PRKDC: variants seen among roughly 807,000 people sequenced by gnomAD.
PRKDC encodes DNA-dependent protein kinase catalytic subunit.
PRKDC carries 82 observed loss-of-function variants against 486.9 expected under a neutral mutation model. The observed-to-expected ratio is 0.17, with a 90% CI of 0.14 to 0.20. PRKDC has a LOEUF of 0.20. Among genes scored for constraint, PRKDC ranks in the 10% least tolerant of loss-of-function variants. The pLI, the probability that PRKDC is intolerant of heterozygous loss-of-function variation, is 1.00. For synonymous variants in PRKDC, 1,895 were observed against 1,837.0 expected (o/e 1.03, Z -0.81); for missense variants, 4,504 against 5,038.2 (o/e 0.89, Z 3.21).
At position 47,950,827 on chromosome 8, in the gene PRKDC, A is replaced by C. The variant is rs115462511; in HGVS notation, c.721+2793T>G. On this transcript the variant is annotated intron_variant, in intron 7 of 85. Coordinates refer to ENST00000314191, the MANE Select transcript of PRKDC (RefSeq NM_006904.7). The stretch of plus-strand genomic sequence containing the variant: ...GCGAGACTCCATCTCTGCAAAATAT[A>C]AAAGGAGCCAGGCATGGTGGTGCCT... Among the ~76,000 whole-genome samples the C allele has an allele frequency of 2.2e-3, 341 of 151,748 alleles. 1 individual carries two copies. The highest frequency in any genetic ancestry group is 8.1e-3 in the African/African-American group (334 of 41,344).
intron 76 of PRKDC, among the ~76,000 whole-genome samples, chr8:47,787,215 T>C (rs2086805910): frequency 6.6e-6 from 1 of 152,216 alleles, no homozygotes; most frequent in Admixed American, 6.5e-5. Flanking sequence ...CATCTCTAAT[T>C]AGAAATGTTT....
In PRKDC at chr8:47,794,445, T is replaced by C; in HGVS notation, c.10515A>G (p.Leu3505=). 6.2e-7 allele frequency: 1 copy of C among 1,613,798 alleles called. No homozygotes were observed. The highest frequency in any genetic ancestry group is 8.5e-7 in the Non-Finnish European group (1 of 1,179,690). ...CAGCAACGGCTTGGTCTTTGTCCAG[T>C]AAGGCCACCATGTGGCTGATCCAGC... ...FISWISHMVA[L]LDKDQAVAVQ... Residue 3505 remains leucine (L), a synonymous_variant, in exon 74 of 86, where the codon TTA becomes TTG. Transcript: ENST00000314191.
Position 47,800,856 on chromosome 8 carries a change from G to A in PRKDC, c.10053C>T (p.Ile3351=), listed in dbSNP as rs1345495071. Residue 3351 remains isoleucine, a synonymous_variant, in exon 71 of 86, where the codon ATC becomes ATT. Coordinates refer to ENST00000314191, the MANE Select transcript of PRKDC (RefSeq NM_006904.7). ...LSSEPACLAE[I]EEDKARRILE... The stretch of plus-strand genomic sequence containing the variant: ...AGATTCTTCTAGCCTTGTCCTCCTC[G>A]ATTTCAGCAAGGCAGGCTGGCTCAC... 2.5e-6 allele frequency: 4 copies of A among 1,613,262 alleles called. No individual in the cohort carries two copies. The highest frequency in any genetic ancestry group is 1.7e-6 in the Non-Finnish European group (2 of 1,179,628).
At chr8:47,848,575 C>T (rs568128166) in intron 54 of PRKDC, among the ~76,000 whole-genome samples, 3 of 151,444 alleles carry the variant, frequency 2.0e-5, no homozygotes, top group Admixed American at 6.6e-5. Flanking sequence ...GTACACCAAA[C>T]CTCAGCATTA....
At chr8:47,936,232 A>G in intron 12 of PRKDC, 121 bp downstream of exon 12, 1 of 1,124,616 alleles carries the variant, frequency 8.9e-7, no homozygotes, top group Non-Finnish European at 1.2e-6. Context: ...ACAAAGTACT[A>G]ACTAAAACTG....
intron 73 of PRKDC, among the ~76,000 whole-genome samples, chr8:47,797,030 T>C (rs1050077856): frequency 2.0e-5 from 3 of 152,336 alleles, no homozygotes; most frequent in South Asian, 2.1e-4. Flanking sequence ...TCTGATACTT[T>C]TAAGGTGTCT....
chr8:47,875,889 A>G (rs2089081839), intron 40 of PRKDC, among the ~76,000 whole-genome samples: 1 of 152,196 alleles, frequency 6.6e-6, no homozygotes, highest in Admixed American at 6.5e-5. Context: ...TGCCGTGCAG[A>G]ATTCTGTTTT....
At position 47,782,485 on chromosome 8, in the gene PRKDC, G is replaced by C. The variant is rs373633173; in HGVS notation, c.11289C>G (p.Arg3763=). 28 of 1,582,476 alleles carry C rather than the reference G, an allele frequency of 1.8e-5. No individual in the cohort carries two copies. The African/African-American group carries it at 3.5e-4, about 20-fold the overall frequency. Reference sequence around the variant, plus strand: ...TCATGACCTGGAAGAGCTGCTCCACGCGCTGGTCCTGCCGCAGGTCCTCGC... The same window carrying C: ...TCATGACCTGGAAGAGCTGCTCCACCCGCTGGTCCTGCCGCAGGTCCTCGC... ...KGGEDLRQDQ[R]VEQLFQVMNG... is the part of the protein sequence containing the mutation. The change falls in exon 79 of 86, where the codon CGC becomes CGG. Residue 3763 remains arginine, a synonymous_variant. Transcript: ENST00000314191. This position sits in a 1 kb window ranked among gnomAD's most constrained non-coding sequence, Gnocchi z 4.9.
At chr8:47,936,272 A>G in intron 12 of PRKDC, 81 bp downstream of exon 12, 3 of 1,441,184 alleles carry the variant, frequency 2.1e-6, no homozygotes, top group Non-Finnish European at 2.8e-6. Flanking sequence ...GCCTACACTA[A>G]ATGTATTGTA....
In PRKDC at chr8:47,800,975, C is replaced by T. The variant is rs746336789; in HGVS notation, c.9934G>A (p.Val3312Met). The T allele has an allele frequency of 1.7e-5, 28 of 1,613,536 alleles. No homozygotes were observed. The highest frequency in any genetic ancestry group is 1.5e-4 in the Admixed American group (9 of 59,974). ...ATATTTTTGCTTAAGTAGCTTGACA[C>T]GTTGTTCTCATCTGTTGGATTAAAA... ...KTVSLLDENN[V>M]SSYLSKNILA... Residue 3312 changes from valine to methionine, a missense_variant, in exon 71 of 86, where the codon GTG becomes ATG. Val to Met is a conservative substitution (Grantham distance 21, BLOSUM62 1). This residue lies in a region of PRKDC where 1,592 missense variants were observed against 1,724.6 expected (regional missense o/e 0.92). Transcript: ENST00000314191.
At chr8:47,833,637 G>A (rs986226507) in intron 59 of PRKDC, among the ~76,000 whole-genome samples, 44 of 151,916 alleles carry the variant, frequency 2.9e-4, no homozygotes, top group African/African-American at 1.9e-4. Context: ...GCTGAAGTTC[G>A]ACATACACCC....
At chr8:47,878,296 G>A (rs890422078) in intron 39 of PRKDC, among the ~76,000 whole-genome samples, 1 of 152,102 alleles carries the variant, frequency 6.6e-6, no homozygotes, top group Admixed American at 6.5e-5. Context: ...TAGTAGAGAC[G>A]GGGTTTCACC....
rs879502978 is a variant in PRKDC, at chr8:47,907,291, C to T, written c.2935-2315G>A. Among the ~76,000 whole-genome samples, 3 of 148,634 alleles carry T rather than the reference C, an allele frequency of 2.0e-5. No homozygotes were observed. In the South Asian group the frequency reaches 6.2e-4, roughly 31 times the overall value. On this transcript the variant is annotated intron_variant, in intron 25 of 85. Transcript: ENST00000314191. ...TCCTGACCTTGTGATCCACCCACCTCGGCCTCCCAAAGTGCTGGGATTACA... is the reference window on the plus strand; with the variant it reads ...TCCTGACCTTGTGATCCACCCACCTTGGCCTCCCAAAGTGCTGGGATTACA...
Position 47,915,319 on chromosome 8 carries a change from G to A in PRKDC, c.2617+9C>T. ...TCTACAGAGGTTATTTATTTTAAAA[G>A]AAGTTTACCTGTCAGAAGATTTTTG... On this transcript the variant is annotated intron_variant, in intron 23 of 85. Transcript: ENST00000314191. 3 of 1,472,312 alleles carry A rather than the reference G, an allele frequency of 2.0e-6. No individual in the cohort carries two copies. In the South Asian group the frequency reaches 3.8e-5, roughly 18 times the overall value. The allele number at this position is 1,472,312 out of a possible 1,614,324, so 91.2% of individuals were successfully genotyped here. A position where few individuals can be genotyped will look rare whatever the true frequency, so the allele number is the denominator to read the frequency against.
chr8:47,930,834 A>G, intron 16 of PRKDC, 47 bp from the exon 17 acceptor site: 1 of 1,491,692 alleles, frequency 6.7e-7, no homozygotes, highest in Non-Finnish European at 9.0e-7. Context: ...TTCAATCACG[A>G]ATCACTCAAC....
At position 47,820,753 on chromosome 8, in the gene PRKDC, T is replaced by C; in HGVS notation, c.9302A>G (p.Tyr3101Cys). The C allele has an allele frequency of 1.9e-6, 3 of 1,588,020 alleles. No individual in the cohort carries two copies. The change falls in exon 66 of 86, where the codon TAT becomes TGT. Residue 3101 changes from tyrosine to cysteine, a missense_variant. Around this residue, in one of 6 missense-constraint regions of PRKDC, gnomAD observed 1,592 missense variants for 1,724.6 expected, o/e 0.92. Coordinates refer to ENST00000314191, the MANE Select transcript of PRKDC (RefSeq NM_006904.7). ...LLQDDVDRAK[Y>C]YIQNGIQSFM... Reference sequence around the variant, plus strand: ...ACTCTGAATGCCATTTTGAATGTAATATTTGGCTCTGTCAACATCATCTTG... The same window carrying C: ...ACTCTGAATGCCATTTTGAATGTAACATTTGGCTCTGTCAACATCATCTTG...
chr8:47,803,426 T>G lies in PRKDC; in HGVS notation c.9802A>C (p.Thr3268Pro), dbSNP rs1279619058. 6.2e-7 allele frequency: 1 copy of G among 1,613,936 alleles called. No homozygotes were observed. Among genetic ancestry groups the G allele is most frequent in the Non-Finnish European group, 8.5e-7 (1 of 1,179,860 alleles). ...LLKELHKESK[T>P]RDDWLVSWVQ... ...CAGCTCACCAGCCAATCGTCTCTGG[T>G]TTTTGACTCTTTATGCAGCTCCTTC... Residue 3268 changes from threonine (T) to proline (P), a missense_variant, in exon 70 of 86, where the codon ACC becomes CCC. Physicochemically the swap from Thr to Pro is conservative, Grantham distance 38. Around this residue, in one of 6 missense-constraint regions of PRKDC, gnomAD observed 1,592 missense variants for 1,724.6 expected, o/e 0.92. Coordinates refer to ENST00000314191, the MANE Select transcript of PRKDC (RefSeq NM_006904.7).
At chr8:47,867,909 T>C (rs1000946261) in intron 40 of PRKDC, among the ~76,000 whole-genome samples, 4 of 152,216 alleles carry the variant, frequency 2.6e-5, no homozygotes, top group African/African-American at 9.6e-5. Flanking sequence ...ATGGATGTTG[T>C]AGTTTGTCAA....
chr8:47,775,822 C>CT (rs377519551), intron 85 of PRKDC, among the ~76,000 whole-genome samples: 1,986 of 138,562 alleles, frequency 0.014, 36 homozygotes, highest in African/African-American at 0.045. Flanking sequence ...ACTCCTATTC[C>CT]TTTTTTTTTT....
Sources: allele counts gnomAD v4.1 joint callset (sites outside exome capture counted in the v4.1 genomes callset), GRCh38; gene constraint gnomAD v4.1.1; regional missense constraint gnomAD v4.1.1; non-coding constraint Gnocchi (gnomAD v3.1); transcripts MANE v1.5; gene names NCBI Gene and HGNC (gene_info 2026-07-23, HGNC 2026-07-21).